The following ACAD9 variants were observed in gnomAD, a reference collection of about 807,000 sequenced individuals.
ACAD9 encodes the protein acyl-CoA dehydrogenase family member 9, also known as complex I assembly factor ACAD9, mitochondrial.
A neutral mutation model predicts 70.2 loss-of-function variants in ACAD9; 53 were observed. The ratio of observed to expected loss-of-function variants is 0.75; its 90% CI spans 0.61 to 0.95. ACAD9 has a LOEUF of 0.95. Ranked by LOEUF, ACAD9 falls within the 40% of genes least tolerant of loss-of-function variation. The pLI, the probability that ACAD9 is intolerant of heterozygous loss-of-function variation, is 0.00. For missense variants in ACAD9, 777 were observed against 802.8 expected (o/e 0.97, Z 0.39); for synonymous variants, 313 against 312.1 (o/e 1.00, Z -0.03).
At chr3:128,891,721 C>G (rs112298396) in intron 2 of ACAD9, among the ~76,000 whole-genome samples, 42 of 152,342 alleles carry the variant, frequency 2.8e-4, no homozygotes, top group African/African-American at 9.6e-4. Context: ...TGCTCTCTTC[C>G]TGACTTCATA....
intron 2 of ACAD9, among the ~76,000 whole-genome samples, chr3:128,887,937 G>T (rs997682373): frequency 2.6e-5 from 4 of 152,144 alleles, no homozygotes; most frequent in Admixed American, 1.3e-4. Flanking sequence ...GGAAATAGAG[G>T]CACTGTCATC....
In ACAD9 at chr3:128,902,345, T is replaced by C. The variant is rs370952705; in HGVS notation, c.883-208T>C. On this transcript the variant is annotated intron_variant, in intron 8 of 17. Coordinates refer to ENST00000308982, the MANE Select transcript of ACAD9 (RefSeq NM_014049.5). The surrounding 1 kb of genome is among the most constrained non-coding windows in gnomAD (Gnocchi z 4.0). ...GGAGCCACCATGCCCAGCTCTGGCA[T>C]GGTCCTTTGGAATAACGTTCAGTGG... Among the ~76,000 whole-genome samples the C allele has an allele frequency of 6.6e-6, 1 of 152,236 alleles. No homozygotes were observed. The highest frequency in any genetic ancestry group is 2.4e-5 in the African/African-American group (1 of 41,462).
chr3:128,893,252 A>C (rs1363208529), intron 2 of ACAD9, among the ~76,000 whole-genome samples: 1 of 151,726 alleles, frequency 6.6e-6, no homozygotes, highest in Non-Finnish European at 1.5e-5. Context: ...CATGAAGCTG[A>C]GGCAGGAGGC....
At chr3:128,890,822 G>A (rs1259102301) in intron 2 of ACAD9, among the ~76,000 whole-genome samples, 1 of 151,556 alleles carries the variant, frequency 6.6e-6, no homozygotes, top group Non-Finnish European at 1.5e-5. Context: ...TTCTTAAATG[G>A]TTGGTTTATC....
At chr3:128,880,089 G>A (rs1325492274) in intron 1 of ACAD9, 5 of 1,427,920 alleles carry the variant, frequency 3.5e-6, no homozygotes, top group Non-Finnish European at 4.7e-6. Context: ...TTTGTCAGGG[G>A]AATTCGGAAA....
chr3:128,910,917 A>T, intron 17 of ACAD9, 104 bp downstream of exon 17: 1 of 1,365,572 alleles, frequency 7.3e-7, no homozygotes, highest in East Asian at 2.3e-5. Context: ...CCTGCTAGCT[A>T]CTCACAGACC....
rs917547961 is a variant in ACAD9 at position 128,912,535 on chromosome 3, TAAGA to T, written c.1798_1801del (p.Lys600CysfsTer56). The T allele has an allele frequency of 2.1e-5, 34 of 1,613,986 alleles. No homozygotes were observed. Among genetic ancestry groups the T allele is most frequent in the African/African-American group, 2.7e-5 (2 of 74,896 alleles). ...CTCCAGAAAACCTAGATGAGCAGAT[TAAGA>T]AAGTGTCCCAGCAGATCCTTGAGAA... On this transcript the variant is annotated frameshift_variant, in exon 18 of 18. Coordinates refer to ENST00000308982, the MANE Select transcript of ACAD9 (RefSeq NM_014049.5). LOFTEE classifies it high-confidence loss of function.
chr3:128,899,449 C>G lies in ACAD9; in HGVS notation c.796C>G (p.Arg266Gly). Residue 266 changes from arginine (R) to glycine (G), a missense_variant, in exon 7 of 18, where the codon CGG (arginine) becomes GGG (glycine). Transcript: ENST00000308982. ...NGKPEDKLGI[R>G]GSNTCEVHFE... ...GAAACCCGAAGATAAATTAGGCATT[C>G]GGGGCTCCAACAGTAAGTAGCTCCT... 1 of 1,613,848 alleles carries G rather than the reference C, an allele frequency of 6.2e-7. No homozygotes were observed. Among genetic ancestry groups the G allele is most frequent in the Non-Finnish European group, 8.5e-7 (1 of 1,179,962 alleles).
intron 3 of ACAD9, among the ~76,000 whole-genome samples, chr3:128,894,602 A>T (rs1251902907): frequency 6.9e-6 from 1 of 144,846 alleles, no homozygotes; most frequent in Non-Finnish European, 1.5e-5. Context: ...TGGTGTGGTC[A>T]TAGCTCACTG....
rs199779157 is a variant in ACAD9, at chr3:128,906,078, G to A, written c.1150-43G>A. 4.5e-5 allele frequency: 73 copies of A among 1,613,632 alleles called. 1 individual carries two copies. The highest frequency in any genetic ancestry group is 6.0e-5 in the Non-Finnish European group (71 of 1,179,998). On this transcript the variant is annotated intron_variant, in intron 11 of 17. Coordinates refer to ENST00000308982, the MANE Select transcript of ACAD9 (RefSeq NM_014049.5). ...CCCCAGCCACCCAGCTCCCTGCAGC[G>A]TAGGTCCTCCTTTTGGAAAGGATTC...
In ACAD9 at chr3:128,884,697, T is replaced by A; in HGVS notation, c.195T>A (p.Asn65Lys). The part of the protein sequence containing the change: ...PFPEVSQDEL[N>K]EINQFLGPVE... ...CAGAAGTTAGCCAAGATGAACTTAA[T>A]GAAATCAATCAGTTCTTGGGACCCG... Residue 65 changes from asparagine to lysine, a missense_variant, in exon 2 of 18, where the codon AAT becomes AAA. Physicochemically the swap from Asn to Lys is moderately conservative, Grantham distance 94. Transcript: ENST00000308982. 6.2e-7 allele frequency: 1 copy of A among 1,613,218 alleles called. No homozygotes were observed. Among genetic ancestry groups the A allele is most frequent in the Non-Finnish European group, 8.5e-7 (1 of 1,179,814 alleles).
At position 128,909,410 on chromosome 3, in the gene ACAD9, C is replaced by A; in HGVS notation, c.1552C>A (p.Arg518Ser). The A allele has an allele frequency of 6.8e-6, 11 of 1,614,130 alleles. No homozygotes were observed. Among genetic ancestry groups the A allele is most frequent in the Non-Finnish European group, 9.3e-6 (11 of 1,180,050 alleles). Residue 518 changes from arginine to serine, a missense_variant, in exon 15 of 18, where the codon CGC becomes AGC. Coordinates refer to ENST00000308982, the MANE Select transcript of ACAD9 (RefSeq NM_014049.5). ...FGRTVETLLLRFGKTIMEEQL... is the reference protein window; with the variant it reads ...FGRTVETLLLSFGKTIMEEQL... Reference sequence around the variant, plus strand: ...CCGGACCGTGGAGACACTGCTGCTCCGCTTTGGCAAGGTAACCAGGCCCTC... The same window carrying A: ...CCGGACCGTGGAGACACTGCTGCTCAGCTTTGGCAAGGTAACCAGGCCCTC...
chr3:128,908,292 T>TCAGGTCCCATACCTGCC lies in ACAD9; in HGVS notation c.1358+32_1358+48dup, dbSNP rs776916451. 20 of 1,613,198 alleles carry TCAGGTCCCATACCTGCC rather than the reference T, an allele frequency of 1.2e-5. No individual in the cohort carries two copies. In the African/African-American group the frequency reaches 2.4e-4, roughly 19 times the overall value. On this transcript the variant is annotated intron_variant, in intron 13 of 17. Coordinates refer to ENST00000308982, the MANE Select transcript of ACAD9 (RefSeq NM_014049.5). ...AGGTGCCATTGTCACCGTGTGCTTC[T>TCAGGTCCCATACCTGCC]CAGGTCCCATACCTGCCCAGCAGGG...
At chr3:128,901,384 G>A in intron 8 of ACAD9, 35 bp downstream of exon 8, 1 of 1,610,186 alleles carries the variant, frequency 6.2e-7, no homozygotes, top group Non-Finnish European at 8.5e-7. Flanking sequence ...GTACCAGGTA[G>A]TGTCATGAGT....
chr3:128,902,303 T>C lies in ACAD9; in HGVS notation c.883-250T>C, dbSNP rs1175143481. On this transcript the variant is annotated intron_variant, in intron 8 of 17. Transcript: ENST00000308982. This position sits in a 1 kb window ranked among gnomAD's most constrained non-coding sequence, Gnocchi z 4.0. ...ATCCTCTTGCCTTGGCCTTCCAAAA[T>C]GCTGGTACTACAGGTGGGAGCCACC... Among the ~76,000 whole-genome samples the C allele has an allele frequency of 1.3e-5, 2 of 152,232 alleles. No individual in the cohort carries two copies. The highest frequency in any genetic ancestry group is 2.1e-4 in the South Asian group (1 of 4,834).
intron 2 of ACAD9, among the ~76,000 whole-genome samples, chr3:128,888,865 C>T (rs1045023414): frequency 7.1e-6 from 1 of 141,570 alleles, no homozygotes; most frequent in African/African-American, 2.6e-5. Flanking sequence ...GTCTCTTGTT[C>T]TTTTATTTAA....
rs759355370 is a variant in ACAD9 at position 128,899,490 on chromosome 3, T to C, written c.808+29T>C. ...AGTAGCTCCTGTGCGCGCGTGCGCG[T>C]GTGTGTGTGTAAGGGGGAGACTGGC... On this transcript the variant is annotated intron_variant, in intron 7 of 17. Coordinates refer to ENST00000308982, the MANE Select transcript of ACAD9 (RefSeq NM_014049.5). 5.9e-5 allele frequency: 93 copies of C among 1,572,938 alleles called. 1 individual carries two copies. The highest frequency in any genetic ancestry group is 1.7e-4 in the Middle Eastern group (1 of 5,828).
At chr3:128,910,872 G>GAA (rs1205670343) in intron 17 of ACAD9, 59 bp downstream of exon 17, 5 of 1,583,830 alleles carry the variant, frequency 3.2e-6, no homozygotes, top group Non-Finnish European at 4.3e-6. Context: ...CCTATTGATG[G>GAA]TGAGCTGTTT....
rs1174006787 is a variant in ACAD9, at chr3:128,895,302, T to C, written c.347-8T>C. The stretch of plus-strand genomic sequence containing the variant: ...GGGCTGTGATTGACGCTGGTCCATC[T>C]CTCCTAGGTGGCCTGGGCTTCTCCA... On this transcript the variant is annotated splice_region_variant and splice_polypyrimidine_tract_variant and intron_variant, in intron 3 of 17. Coordinates refer to ENST00000308982, the MANE Select transcript of ACAD9 (RefSeq NM_014049.5). 6.2e-7 allele frequency: 1 copy of C among 1,606,344 alleles called. No homozygotes were observed. The highest frequency in any genetic ancestry group is 1.1e-5 in the South Asian group (1 of 89,864).
Sources: gnomAD v4.1 joint callset for allele counts (sites outside exome capture counted in the v4.1 genomes callset) on GRCh38, gnomAD v4.1.1 for gene constraint, Gnocchi (gnomAD v3.1) non-coding constraint, MANE v1.5 for transcripts, NCBI Gene and HGNC (gene_info 2026-07-23, HGNC 2026-07-21) for gene names.